CACUL1: variants seen among roughly 807,000 people sequenced by gnomAD.
The protein encoded by CACUL1 is CDK2 associated cullin domain 1.
In CACUL1, 13 loss-of-function variants were observed where a neutral mutation model predicts 45.2. That is an observed-to-expected ratio of 0.29 (90% CI 0.19 to 0.46). The LOEUF (loss-of-function observed/expected upper bound fraction) is 0.46. CACUL1 is among the 20% of genes least tolerant of loss of function. The pLI is 1.00. For missense variants in CACUL1, 421 were observed against 471.4 expected (o/e 0.89, Z 0.99); for synonymous variants, 197 against 174.2 (o/e 1.13, Z -1.03).
rs1218755657 is a variant in CACUL1, at chr10:118,685,744, C to G, written c.*384G>C. 6.1e-6 allele frequency: 1 copy of G among 163,028 alleles called. No individual in the cohort carries two copies. Among genetic ancestry groups the G allele is most frequent in the African/African-American group, 2.4e-5 (1 of 41,674 alleles). 10.1% of individuals were successfully genotyped at this position (163,028 alleles called of 1,614,324 possible). ...ATGTGAAACCAATACACCAAAATGC[C>G]AAGTCCACAAATGAACAAAACAAGT... On this transcript the variant is annotated 3_prime_UTR_variant, in exon 9 of 9. Transcript: ENST00000369151.
In CACUL1 at chr10:118,677,479, C is replaced by A. The variant is rs1845109608; in HGVS notation, c.*8649G>T. ...CCAAGTCCCCGTTCTCCCCTCTGTT[C>A]TCATTCCCCTCCACCACCCTCTCCT... On this transcript the variant is annotated 3_prime_UTR_variant, in exon 9 of 9. Coordinates refer to ENST00000369151, the MANE Select transcript of CACUL1 (RefSeq NM_153810.5). 2 of 152,180 alleles carry A rather than the reference C, an allele frequency of 1.3e-5. No homozygotes were observed. The highest frequency in any genetic ancestry group is 4.1e-4 in the South Asian group (2 of 4,832). 9.4% of individuals were successfully genotyped at this position (152,180 alleles called of 1,614,324 possible). A position where few individuals can be genotyped will look rare whatever the true frequency, so the allele number is the denominator to read the frequency against.
At chr10:118,699,746 G>GCCATTC (rs1845359471) in intron 5 of CACUL1, among the ~76,000 whole-genome samples, 1 of 151,858 alleles carries the variant, frequency 6.6e-6, no homozygotes, top group East Asian at 1.9e-4. Context: ...CCGGGTTCAC[G>GCCATTC]CCATTCCCCC....
intron 1 of CACUL1, among the ~76,000 whole-genome samples, chr10:118,738,865 A>ATTT (rs1310672654): frequency 1.3e-5 from 2 of 149,752 alleles, no homozygotes; most frequent in Non-Finnish European, 3.0e-5. Flanking sequence ...AAACAGTGTC[A>ATTT]TAAAAAAGAA....
Position 118,707,567 on chromosome 10 carries a change from ATAG to A in CACUL1, c.615_617del (p.Tyr206del). ...CAAGAGCTATATTAAATCTTTCAAT[ATAG>A]AGATCTGGAGGGCTGGCCTGTGAGA... On this transcript the variant is annotated inframe_deletion, in exon 4 of 9. Transcript: ENST00000369151. 6.4e-6 allele frequency: 10 copies of A among 1,565,428 alleles called. No homozygotes were observed. The highest frequency in any genetic ancestry group is 8.8e-6 in the Non-Finnish European group (10 of 1,136,524).
intron 1 of CACUL1, among the ~76,000 whole-genome samples, chr10:118,731,715 G>C (rs550549003): frequency 6.6e-6 from 1 of 152,216 alleles, no homozygotes; most frequent in Non-Finnish European, 1.5e-5. Context: ...TATCTATAAA[G>C]CAGTAGCATG....
chr10:118,754,775 C>G lies in CACUL1; in HGVS notation c.-13G>C. 1 of 1,539,646 alleles carries G rather than the reference C, an allele frequency of 6.5e-7. No individual in the cohort carries two copies. Among genetic ancestry groups the G allele is most frequent in the Non-Finnish European group, 8.7e-7 (1 of 1,148,104 alleles). On this transcript the variant is annotated 5_prime_UTR_variant, in exon 1 of 9. Transcript: ENST00000369151. ...TGCTTTCCTCCATCCTGCTGGCCCC[C>G]GGCACCCGCCCGCCTCACAGGCACC...
chr10:118,714,246 A>G (rs1007753933), intron 3 of CACUL1, among the ~76,000 whole-genome samples: 1 of 152,168 alleles, frequency 6.6e-6, no homozygotes, highest in Non-Finnish European at 1.5e-5. Context: ...TCTATCTTCT[A>G]CTTTAAATGG....
chr10:118,703,992 G>T (rs1360687216), intron 4 of CACUL1, among the ~76,000 whole-genome samples: 1 of 151,976 alleles, frequency 6.6e-6, no homozygotes, highest in Non-Finnish European at 1.5e-5. Flanking sequence ...TTTAGCTTAT[G>T]ATATTTTACT....
At chr10:118,720,711 G>A (rs918677758) in intron 3 of CACUL1, among the ~76,000 whole-genome samples, 1 of 152,270 alleles carries the variant, frequency 6.6e-6, no homozygotes, top group South Asian at 2.1e-4. Flanking sequence ...CTTTTTACTG[G>A]ATCTCTATTT....
At chr10:118,738,365 T>C (rs752892994) in intron 1 of CACUL1, among the ~76,000 whole-genome samples, 1 of 152,148 alleles carries the variant, frequency 6.6e-6, no homozygotes, top group Non-Finnish European at 1.5e-5. Context: ...AGCACAGAAC[T>C]GGCAGATTAA....
chr10:118,680,109 T>G lies in CACUL1; in HGVS notation c.*6019A>C, dbSNP rs1478306869. 1 of 152,168 alleles carries G rather than the reference T, an allele frequency of 6.6e-6. No homozygotes were observed. Among genetic ancestry groups the G allele is most frequent in the Non-Finnish European group, 1.5e-5 (1 of 68,018 alleles). 9.4% of individuals were successfully genotyped at this position (152,168 alleles called of 1,614,324 possible). A position where few individuals can be genotyped will look rare whatever the true frequency, so the allele number is the denominator to read the frequency against. On this transcript the variant is annotated 3_prime_UTR_variant, in exon 9 of 9. Transcript: ENST00000369151. ...CAAGACTACAGCTAGTTAAGCTAGT[T>G]GCTCTCAGGTTCTATTAATATGTGT...
chr10:118,686,788 G>A (rs527260621), intron 7 of CACUL1, 147 bp from the exon 8 acceptor site: 10 of 642,914 alleles, frequency 1.6e-5, no homozygotes, highest in South Asian at 9.5e-5. Flanking sequence ...TTAGAATCCT[G>A]ATGTACCTCA....
chr10:118,736,275 GTGTT>G (rs1323340534), intron 1 of CACUL1, among the ~76,000 whole-genome samples: 1 of 152,136 alleles, frequency 6.6e-6, no homozygotes, highest in East Asian at 1.9e-4. Context: ...TAGTTGTACT[GTGTT>G]TATGTTTTAA....
At chr10:118,693,883 A>C (rs1013400730) in intron 6 of CACUL1, 4 of 377,776 alleles carry the variant, frequency 1.1e-5, no homozygotes, top group Non-Finnish European at 2.1e-5. Flanking sequence ...AAATTTGAAT[A>C]CTCTAGATGT....
intron 3 of CACUL1, among the ~76,000 whole-genome samples, chr10:118,728,511 G>A (rs558314965): frequency 1.4e-4 from 21 of 151,956 alleles, no homozygotes; most frequent in Admixed American, 2.6e-4. Flanking sequence ...GGATGGTCTC[G>A]ATCTCCTGAC....
At chr10:118,709,070 A>T (rs989533860) in intron 3 of CACUL1, among the ~76,000 whole-genome samples, 2 of 152,262 alleles carry the variant, frequency 1.3e-5, no homozygotes, top group East Asian at 3.8e-4. Flanking sequence ...CAGTTAACAC[A>T]TATTTTGTAT....
chr10:118,750,639 C>T (rs1221059291), intron 1 of CACUL1, among the ~76,000 whole-genome samples: 3 of 152,216 alleles, frequency 2.0e-5, no homozygotes, highest in African/African-American at 4.8e-5. Flanking sequence ...TACATTAACG[C>T]GGCAGCTATC....
intron 4 of CACUL1, among the ~76,000 whole-genome samples, chr10:118,704,283 T>C (rs923003951): frequency 3.3e-5 from 5 of 152,228 alleles, no homozygotes; most frequent in Admixed American, 1.3e-4. Flanking sequence ...ATCTGAAATG[T>C]CACCTTTCTA....
chr10:118,735,983 A>C (rs1424639414), intron 1 of CACUL1, among the ~76,000 whole-genome samples: 1 of 152,132 alleles, frequency 6.6e-6, no homozygotes, highest in Non-Finnish European at 1.5e-5. Flanking sequence ...AAAAATGATG[A>C]CTTTTTGTCA....
Sources: allele counts gnomAD v4.1 joint callset (sites outside exome capture counted in the v4.1 genomes callset), GRCh38; gene constraint gnomAD v4.1.1; transcripts MANE v1.5; gene names NCBI Gene and HGNC (gene_info 2026-07-23, HGNC 2026-07-21).